Variants in FBXL17 observed in about 807,000 individuals in gnomAD.
The protein encoded by FBXL17 is F-box/LRR-repeat protein 17.
FBXL17 carries 22 observed loss-of-function variants against 66.2 expected under a neutral mutation model. The observed-to-expected ratio is 0.33, with a 90% CI of 0.24 to 0.47. The LOEUF (loss-of-function observed/expected upper bound fraction) is 0.47, where lower values mean the gene tolerates loss of function less well. Among genes scored for constraint, FBXL17 ranks in the 20% least tolerant of loss-of-function variants. The pLI is 1.00. For missense variants in FBXL17, 878 were observed against 948.2 expected (o/e 0.93, Z 0.97); for synonymous variants, 474 against 400.5 (o/e 1.18, Z -2.19).
Position 107,885,535 on chromosome 5 carries a change from G to A in FBXL17, c.1823-4356C>T, listed in dbSNP as rs796878015. ...AATATCCATACATAGGAGAGTGCTC[G>A]AATAACTATGCTATAACCACACAAC... On this transcript the variant is annotated intron_variant, in intron 7 of 8. Coordinates refer to ENST00000542267, the MANE Select transcript of FBXL17 (RefSeq NM_001163315.3). 1.1e-4 allele frequency among the ~76,000 whole-genome samples: 17 copies of A among 152,200 alleles called. No homozygotes were observed. The South Asian group carries it at 1.7e-3, about 15-fold the overall frequency.
At chr5:108,289,024 CAA>C (rs935261074) in intron 4 of FBXL17, among the ~76,000 whole-genome samples, 4 of 151,988 alleles carry the variant, frequency 2.6e-5, no homozygotes, top group African/African-American at 9.7e-5. Flanking sequence ...AGAAAACCAA[CAA>C]AAAGAGGGAA....
chr5:108,038,828 G>A (rs1308704454), intron 6 of FBXL17, among the ~76,000 whole-genome samples: 1 of 152,044 alleles, frequency 6.6e-6, no homozygotes, highest in Non-Finnish European at 1.5e-5. Flanking sequence ...CACTTAAATT[G>A]CTTCACAAGT....
At chr5:107,933,184 T>C (rs1433053) in intron 7 of FBXL17, among the ~76,000 whole-genome samples, 19,838 of 152,142 alleles carry the variant, frequency 0.13, 1,403 homozygotes, top group African/African-American at 0.18. Context: ...AAATGGTTGA[T>C]TGATATCATT....
intron 4 of FBXL17, among the ~76,000 whole-genome samples, chr5:108,344,793 C>T (rs1169038565): frequency 6.6e-6 from 1 of 152,144 alleles, no homozygotes; most frequent in Non-Finnish European, 1.5e-5. Context: ...ACTATATGCT[C>T]AAACTAAATA....
chr5:108,011,656 A>G (rs181318737), intron 7 of FBXL17, among the ~76,000 whole-genome samples: 2 of 152,070 alleles, frequency 1.3e-5, no homozygotes, highest in Non-Finnish European at 2.9e-5. Context: ...ATACAAAAAT[A>G]AAATAAAATA....
intron 7 of FBXL17, among the ~76,000 whole-genome samples, chr5:107,889,941 G>C (rs1227907555): frequency 6.6e-6 from 1 of 152,110 alleles, no homozygotes; most frequent in Non-Finnish European, 1.5e-5. Flanking sequence ...CTGATCCACT[G>C]CTCTGGTTTT....
At chr5:108,225,271 T>TATTCC (rs1561475046) in intron 4 of FBXL17, among the ~76,000 whole-genome samples, 2 of 152,210 alleles carry the variant, frequency 1.3e-5, no homozygotes, top group African/African-American at 4.8e-5. Context: ...GGCTGAAAAA[T>TATTCC]ATTCCATTGT....
chr5:107,887,581 G>A (rs1006002159), intron 7 of FBXL17, among the ~76,000 whole-genome samples: 1 of 152,110 alleles, frequency 6.6e-6, no homozygotes. Context: ...TCTTGGCACG[G>A]TTACAAAGAG....
At chr5:108,009,972 C>T (rs73206527) in intron 7 of FBXL17, among the ~76,000 whole-genome samples, 447 of 152,242 alleles carry the variant, frequency 2.9e-3, no homozygotes, top group African/African-American at 9.6e-3. Context: ...GGAAATCTAC[C>T]GGTTTTCTAC....
intron 4 of FBXL17, among the ~76,000 whole-genome samples, chr5:108,244,182 T>C (rs533570075): frequency 9.8e-5 from 15 of 152,298 alleles, no homozygotes; most frequent in Admixed American, 6.5e-4. Context: ...CATTTACTAG[T>C]TCTCTTTTCC....
At chr5:107,910,911 G>C (rs1749930191) in intron 7 of FBXL17, among the ~76,000 whole-genome samples, 1 of 152,030 alleles carries the variant, frequency 6.6e-6, no homozygotes, top group Non-Finnish European at 1.5e-5. Context: ...CTGAAATGGA[G>C]AGCTATACCA....
intron 7 of FBXL17, among the ~76,000 whole-genome samples, chr5:107,937,734 C>G (rs1580728802): frequency 6.6e-6 from 1 of 152,078 alleles, no homozygotes; most frequent in East Asian, 1.9e-4. Flanking sequence ...AATTGAATTA[C>G]AGCATGAGAT....
chr5:108,006,184 A>G (rs767457321), intron 7 of FBXL17, among the ~76,000 whole-genome samples: 1 of 152,268 alleles, frequency 6.6e-6, no homozygotes, highest in Non-Finnish European at 1.5e-5. Context: ...CAGGATAAAC[A>G]CCATATTGCT....
intron 6 of FBXL17, among the ~76,000 whole-genome samples, chr5:108,071,744 G>A (rs1180395309): frequency 1.3e-5 from 2 of 151,912 alleles, no homozygotes; most frequent in African/African-American, 4.8e-5. Context: ...TTTCATTCAT[G>A]AGTAAAGGCC....
chr5:107,895,012 T>C (rs1459361847), intron 7 of FBXL17, among the ~76,000 whole-genome samples: 1 of 152,096 alleles, frequency 6.6e-6, no homozygotes, highest in African/African-American at 2.4e-5. Flanking sequence ...CTTTTCCCTC[T>C]TCCTCCTTTT....
intron 7 of FBXL17, among the ~76,000 whole-genome samples, chr5:107,881,631 A>G (rs1748795734): frequency 6.6e-6 from 1 of 152,136 alleles, no homozygotes; most frequent in Admixed American, 6.5e-5. Context: ...AATTGGCATA[A>G]TTTTTTCCAT....
intron 7 of FBXL17, among the ~76,000 whole-genome samples, chr5:107,924,552 A>G (rs1050215889): frequency 2.0e-5 from 3 of 152,152 alleles, no homozygotes; most frequent in African/African-American, 7.2e-5. Context: ...CCTCTATAAA[A>G]CTTTAAAGAA....
In FBXL17 at chr5:108,381,474, G is replaced by A; in HGVS notation, c.218C>T (p.Pro73Leu). The A allele has an allele frequency of 7.6e-7, 1 of 1,322,688 alleles. No homozygotes were observed. Among genetic ancestry groups the A allele is most frequent in the Non-Finnish European group, 9.6e-7 (1 of 1,042,888 alleles). The allele number at this position is 1,322,688 out of a possible 1,614,324, so 81.9% of individuals were successfully genotyped here. A position where few individuals can be genotyped will look rare whatever the true frequency, so the allele number is the denominator to read the frequency against. Residue 73 changes from proline to leucine, a missense_variant, in exon 1 of 9, where the codon CCC becomes CTC. Pro to Leu is a moderately conservative substitution (Grantham distance 98). This residue lies in a region of FBXL17 where 605 missense variants were observed against 509.5 expected (regional missense o/e 1.19). Coordinates refer to ENST00000542267, the MANE Select transcript of FBXL17 (RefSeq NM_001163315.3). ...FIVHSPGAPAPAGPEEEPPLS... is the reference protein window; with the variant it reads ...FIVHSPGAPALAGPEEEPPLS... ...CGGCGGCTCCTCCTCTGGGCCGGCGGGGGCGGGCGCGCCGGGACTGTGCAC... is the reference window on the plus strand; with the variant it reads ...CGGCGGCTCCTCCTCTGGGCCGGCGAGGGCGGGCGCGCCGGGACTGTGCAC...
intron 4 of FBXL17, among the ~76,000 whole-genome samples, chr5:108,278,645 A>G (rs1305837599): frequency 6.6e-6 from 1 of 152,232 alleles, no homozygotes; most frequent in Non-Finnish European, 1.5e-5. Flanking sequence ...GTCAGCTGCA[A>G]CAGCAGGGAA....
Sources: allele counts gnomAD v4.1 joint callset (sites outside exome capture counted in the v4.1 genomes callset), GRCh38; gene constraint gnomAD v4.1.1; regional missense constraint gnomAD v4.1.1; transcripts MANE v1.5; gene names NCBI Gene and HGNC (gene_info 2026-07-23, HGNC 2026-07-21).